Variants in IDH2 observed in about 807,000 individuals in gnomAD.
IDH2 encodes the protein isocitrate dehydrogenase (NADP(+)) 2, also known as isocitrate dehydrogenase [NADP], mitochondrial.
IDH2 carries 18 observed loss-of-function variants against 50.5 expected under a neutral mutation model. The ratio of observed to expected loss-of-function variants is 0.36; its 90% CI spans 0.25 to 0.53. The LOEUF is 0.53. Ranked by LOEUF, IDH2 falls within the 20% of genes least tolerant of loss-of-function variation. The pLI is 0.92. For missense variants in IDH2, 518 were observed against 610.7 expected (o/e 0.85, Z 1.60); for synonymous variants, 280 against 239.8 (o/e 1.17, Z -1.55).
At chr15:90,088,072 C>A (rs1900917884) in intron 5 of IDH2, among the ~76,000 whole-genome samples, 1 of 151,878 alleles carries the variant, frequency 6.6e-6, no homozygotes, top group Non-Finnish European at 1.5e-5. Context: ...ACGCCTGGAG[C>A]TGCTCGTGGC....
chr15:90,100,586 AC>A lies in IDH2; in HGVS notation c.115+1689del, dbSNP rs2151556912. 1.0e-6 allele frequency: 1 copy of A among 981,618 alleles called. No individual in the cohort carries two copies. The highest frequency in any genetic ancestry group is 1.2e-6 in the Non-Finnish European group (1 of 826,424). 60.8% of individuals were successfully genotyped at this position (981,618 alleles called of 1,614,324 possible). A position where few individuals can be genotyped will look rare whatever the true frequency, so the allele number is the denominator to read the frequency against. ...CAAGCTCTAACTTACCAGAAACATC[AC>A]CAGCAGTCGCTGGAAGCCTATGGCG... On this transcript the variant is annotated intron_variant, in intron 1 of 10. Coordinates refer to ENST00000330062, the MANE Select transcript of IDH2 (RefSeq NM_002168.4). The surrounding 1 kb of genome is among the most constrained non-coding windows in gnomAD (Gnocchi z 4.1).
rs757504997 is a variant in IDH2 at position 90,091,581 on chromosome 15, C to T, written c.179G>A (p.Arg60His). The T allele has an allele frequency of 6.8e-6, 11 of 1,614,088 alleles. No individual in the cohort carries two copies. The highest frequency in any genetic ancestry group is 1.3e-5 in the African/African-American group (1 of 75,058). The change falls in exon 2 of 11, where the codon CGT (arginine) becomes CAT (histidine). Residue 60 changes from arginine to histidine, a missense_variant. This residue lies in a region of IDH2 where 68 missense variants were observed against 109.7 expected (regional missense o/e 0.62). Transcript: ENST00000330062. ...VVEMDGDEMT[R>H]IIWQFIKEKL... ...CTCCTTGATGAACTGCCAGATAATA[C>T]GGGTCATCTCATCACCATCCATCTC...
At position 90,098,147 on chromosome 15, in the gene IDH2, C is replaced by T. The variant is rs1024667479; in HGVS notation, c.115+4129G>A. ...AAAACCTCCGAAGTGACAGCCACCA[C>T]GAATCTTCAGCTGATGCATTGCACA... is the stretch of plus-strand genomic sequence containing the variant. On this transcript the variant is annotated intron_variant, in intron 1 of 10. Transcript: ENST00000330062. This position sits in a 1 kb window ranked among gnomAD's most constrained non-coding sequence, Gnocchi z 5.1. Among the ~76,000 whole-genome samples the T allele has an allele frequency of 2.0e-5, 3 of 152,210 alleles. No individual in the cohort carries two copies. Among genetic ancestry groups the T allele is most frequent in the Non-Finnish European group, 4.4e-5 (3 of 68,044 alleles).
Position 90,102,392 on chromosome 15 carries a change from C to T in IDH2, c.-2G>A. On this transcript the variant is annotated 5_prime_UTR_variant, in exon 1 of 11. Transcript: ENST00000330062. ...CACGACCCGCAGGTAGCCGGCCATC[C>T]CAAGCTGGAGAGCGAACGAGCAGGG... 7.5e-7 allele frequency: 1 copy of T among 1,340,856 alleles called. No homozygotes were observed. The highest frequency in any genetic ancestry group is 9.7e-7 in the Non-Finnish European group (1 of 1,035,352). 83.1% of individuals were successfully genotyped at this position (1,340,856 alleles called of 1,614,324 possible).
intron 2 of IDH2, 82 bp from the exon 3 acceptor site, chr15:90,090,726 G>T: frequency 7.1e-7 from 1 of 1,413,160 alleles, no homozygotes. Flanking sequence ...AAGTCTGCAG[G>T]CCATGGCAGG....
chr15:90,100,295 G>C lies in IDH2; in HGVS notation c.115+1981C>G, dbSNP rs146769150. 5.3e-5 allele frequency among the ~76,000 whole-genome samples: 8 copies of C among 152,232 alleles called. No homozygotes were observed. The highest frequency in any genetic ancestry group is 1.2e-4 in the Non-Finnish European group (8 of 68,018). The stretch of plus-strand genomic sequence containing the variant: ...TTTCCAGCACCTCATACCCTGAATG[G>C]AACCAGCCCAAGGGCCCTCAACTTC... On this transcript the variant is annotated intron_variant, in intron 1 of 10. Transcript: ENST00000330062. This position sits in a 1 kb window ranked among gnomAD's most constrained non-coding sequence, Gnocchi z 4.1.
intron 3 of IDH2, 138 bp from the exon 4 acceptor site, chr15:90,088,885 T>C (rs1184520532): frequency 1.5e-5 from 12 of 805,324 alleles, no homozygotes; most frequent in Middle Eastern, 3.5e-4. Context: ...AGTGCAAATG[T>C]GTGGGCTCTG....
At chr15:90,101,936 G>A (rs1226182764) in intron 1 of IDH2, among the ~76,000 whole-genome samples, 2 of 152,062 alleles carry the variant, frequency 1.3e-5, no homozygotes, top group Non-Finnish European at 2.9e-5. Context: ...CAGGGGCGCA[G>A]GGCGGGCAGG....
Position 90,084,760 on chromosome 15 carries a change from C to G in IDH2, c.1271+56G>C. 2.0e-5 allele frequency: 29 copies of G among 1,418,330 alleles called. No individual in the cohort carries two copies. Among genetic ancestry groups the G allele is most frequent in the Non-Finnish European group, 2.7e-5 (27 of 1,007,400 alleles). 87.9% of individuals were successfully genotyped at this position (1,418,330 alleles called of 1,614,324 possible). On this transcript the variant is annotated intron_variant, in intron 10 of 10. Transcript: ENST00000330062. This position sits in a 1 kb window ranked among gnomAD's most constrained non-coding sequence, Gnocchi z 5.0. ...TCATGAGGGGGACTTTAGGAGGGGT[C>G]CCCTGGCTTCCTCCCACATGGCCCC...
At position 90,085,371 on chromosome 15, in the gene IDH2, G is replaced by A; in HGVS notation, c.984C>T (p.Gly328=). ...DILAQGFGSL[G]LMTSVLVCPD... is the part of the protein sequence containing the mutation. ...GGCAGACCAGGACGGACGTCATCAG[G>A]CCAAGGGAGCCAAAGCCTGGAGGGT... Residue 328 remains glycine (G), a synonymous_variant, in exon 8 of 11, where the codon GGC becomes GGT. Transcript: ENST00000330062. This position sits in a 1 kb window ranked among gnomAD's most constrained non-coding sequence, Gnocchi z 5.5. 6.4e-7 allele frequency: 1 copy of A among 1,556,382 alleles called. No homozygotes were observed. The highest frequency in any genetic ancestry group is 8.7e-7 in the Non-Finnish European group (1 of 1,149,258).
chr15:90,087,346 AAAT>A, intron 6 of IDH2, 83 bp from the exon 7 acceptor site: 1 of 1,612,670 alleles, frequency 6.2e-7, no homozygotes, highest in Non-Finnish European at 8.5e-7. Context: ...GAGCTGAGCC[AAAT>A]GCACTCTAAT....
In IDH2 at chr15:90,085,186, G is replaced by T; in HGVS notation, c.1081-88C>A. ...ACAGCTGCCCGCCCCTGGGCTGGTG[G>T]GTCAGGCTCGTCCTTCCAGCCCTCA... is the stretch of plus-strand genomic sequence containing the variant. On this transcript the variant is annotated intron_variant, in intron 8 of 10. Transcript: ENST00000330062. This position sits in a 1 kb window ranked among gnomAD's most constrained non-coding sequence, Gnocchi z 5.5. The T allele has an allele frequency of 6.5e-7, 1 of 1,534,072 alleles. No homozygotes were observed. Among genetic ancestry groups the T allele is most frequent in the South Asian group, 1.1e-5 (1 of 88,926 alleles).
At position 90,088,573 on chromosome 15, in the gene IDH2, C is replaced by T. The variant is rs2151549464; in HGVS notation, c.534+14G>A. 6 of 1,614,234 alleles carry T rather than the reference C, an allele frequency of 3.7e-6. No individual in the cohort carries two copies. The highest frequency in any genetic ancestry group is 5.1e-6 in the Non-Finnish European group (6 of 1,180,040). ...GTGCCCAGGTCAGTGGATCCCCTCTCCACCCTGGCCTACCTGGTCGCCATG... is the reference window on the plus strand; with the variant it reads ...GTGCCCAGGTCAGTGGATCCCCTCTTCACCCTGGCCTACCTGGTCGCCATG... On this transcript the variant is annotated intron_variant, in intron 4 of 10. Transcript: ENST00000330062.
At chr15:90,096,516 T>G (rs1596079735) in intron 1 of IDH2, among the ~76,000 whole-genome samples, 1 of 151,648 alleles carries the variant, frequency 6.6e-6, no homozygotes. Flanking sequence ...GAAAATAAAG[T>G]GCTAGCAAGG....
intron 1 of IDH2, among the ~76,000 whole-genome samples, chr15:90,093,701 C>T (rs1901108718): frequency 6.6e-6 from 1 of 152,138 alleles, no homozygotes; most frequent in African/African-American, 2.4e-5. Context: ...CTCACTGCAA[C>T]CTCTGCCTCC....
rs996368535 is a variant in IDH2, at chr15:90,098,584, G to A, written c.115+3692C>T. 4.9e-5 allele frequency among the ~76,000 whole-genome samples: 5 copies of A among 101,216 alleles called. No homozygotes were observed. The highest frequency in any genetic ancestry group is 2.9e-4 in the East Asian group (1 of 3,456). The allele number at this position is 101,216 out of a possible 152,430, so 66.4% of individuals were successfully genotyped here. The stretch of plus-strand genomic sequence containing the variant: ...TATTGAGACAGAGTCTCACTCTGTC[G>A]CCTACACTGGAGGGCAGTGGCGTGA... On this transcript the variant is annotated intron_variant, in intron 1 of 10. Coordinates refer to ENST00000330062, the MANE Select transcript of IDH2 (RefSeq NM_002168.4). This position sits in a 1 kb window ranked among gnomAD's most constrained non-coding sequence, Gnocchi z 5.1.
At chr15:90,087,642 T>C in intron 5 of IDH2, 67 bp from the exon 6 acceptor site, 2 of 1,597,016 alleles carry the variant, frequency 1.3e-6, no homozygotes, top group Non-Finnish European at 8.6e-7. Flanking sequence ...ACCTCCCACC[T>C]CCCAGGGCAA....
intron 7 of IDH2, among the ~76,000 whole-genome samples, chr15:90,086,526 T>G (rs914069657): frequency 6.6e-6 from 1 of 152,146 alleles, no homozygotes; most frequent in Non-Finnish European, 1.5e-5. Context: ...CTCAAGTAGC[T>G]GGGATTACAG....
At chr15:90,101,840 T>C (rs1901340637) in intron 1 of IDH2, among the ~76,000 whole-genome samples, 2 of 151,716 alleles carry the variant, frequency 1.3e-5, no homozygotes, top group South Asian at 4.2e-4. Flanking sequence ...CCAGCCTTTG[T>C]CTGAGCAGGG....
Sources: gnomAD v4.1 joint callset for allele counts (sites outside exome capture counted in the v4.1 genomes callset) on GRCh38, gnomAD v4.1.1 for gene constraint, gnomAD v4.1.1 regional missense constraint, Gnocchi (gnomAD v3.1) non-coding constraint, MANE v1.5 for transcripts, NCBI Gene and HGNC (gene_info 2026-07-23, HGNC 2026-07-21) for gene names.